Variants in ZNF710 observed in about 807,000 individuals in gnomAD.
ZNF710 encodes the protein zinc finger protein 710.
ZNF710 carries 13 observed loss-of-function variants against 50.6 expected under a neutral mutation model. The ratio of observed to expected loss-of-function variants is 0.26; its 90% CI spans 0.17 to 0.41. The LOEUF (loss-of-function observed/expected upper bound fraction) is 0.41. Among genes scored for constraint, ZNF710 ranks in the 10% least tolerant of loss-of-function variants. The pLI, the probability that ZNF710 is intolerant of heterozygous loss-of-function variation, is 1.00. For synonymous variants in ZNF710, 383 were observed against 397.0 expected (o/e 0.96, Z 0.42); for missense variants, 721 against 936.6 (o/e 0.77, Z 3.01).
intron 1 of ZNF710, among the ~76,000 whole-genome samples, chr15:90,031,373 C>T (rs1242696472): frequency 6.6e-6 from 1 of 152,208 alleles, no homozygotes; most frequent in Non-Finnish European, 1.5e-5. Flanking sequence ...AAGTATCTCT[C>T]ACAGCACCCT....
At chr15:90,023,525 C>G (rs2151477276) in intron 1 of ZNF710, among the ~76,000 whole-genome samples, 1 of 152,312 alleles carries the variant, frequency 6.6e-6, no homozygotes, top group Admixed American at 6.5e-5. Context: ...AACATAAACA[C>G]ACTTGCAGGT....
chr15:90,042,154 T>C (rs924435406), intron 1 of ZNF710, among the ~76,000 whole-genome samples: 6 of 152,046 alleles, frequency 3.9e-5, no homozygotes, highest in African/African-American at 1.2e-4. Flanking sequence ...GCCTCAGCCT[T>C]CCAAAGTGCT....
rs368802961 is a variant in ZNF710 at position 90,075,642 on chromosome 15, C to T, written c.1825+1352C>T. 9 of 152,206 alleles carry T rather than the reference C, an allele frequency of 5.9e-5. No individual in the cohort carries two copies. The East Asian group carries it at 9.6e-4, about 16-fold the overall frequency. The allele number at this position is 152,206 out of a possible 1,614,324, so 9.4% of individuals were successfully genotyped here. ...TTATTTACTGGAATGCAGGCAGGCA[C>T]GCGGGAACAGCTGCAGTAGCTTAAC... On this transcript the variant is annotated intron_variant, in intron 4 of 4. Coordinates refer to ENST00000268154, the MANE Select transcript of ZNF710 (RefSeq NM_198526.4).
In ZNF710 at chr15:90,069,842, C is replaced by G. The variant is rs370412919; in HGVS notation, c.1458+1247C>G. ...CCCTCCATTCCCCGCCTTCAGCCAC[C>G]AGCCTCCCCGCTTTTCAGCCAATAT... On this transcript the variant is annotated intron_variant, in intron 2 of 4. Coordinates refer to ENST00000268154, the MANE Select transcript of ZNF710 (RefSeq NM_198526.4). Among the ~76,000 whole-genome samples the G allele has an allele frequency of 7.9e-5, 12 of 152,160 alleles. No homozygotes were observed. In the East Asian group the frequency reaches 1.3e-3, roughly 17 times the overall value.
At position 90,071,677 on chromosome 15, in the gene ZNF710, C is replaced by CTT. The variant is rs201729973; in HGVS notation, c.1459-1393_1459-1392insTT. Reference sequence around the variant, plus strand: ...AATTTCTTTTATTTATTTATTTTTACTCTTTTTTTTTTTTTTTTTGAGACG... The same window carrying CTT: ...AATTTCTTTTATTTATTTATTTTTACTTTCTTTTTTTTTTTTTTTTTGAGACG... On this transcript the variant is annotated intron_variant, in intron 2 of 4. Coordinates refer to ENST00000268154, the MANE Select transcript of ZNF710 (RefSeq NM_198526.4). 5.5e-3 allele frequency among the ~76,000 whole-genome samples: 696 copies of CTT among 127,278 alleles called. 21 individuals are homozygous for CTT. Among genetic ancestry groups the CTT allele is most frequent in the African/African-American group, 0.017 (603 of 34,740 alleles). The allele number at this position is 127,278 out of a possible 152,430, so 83.5% of individuals were successfully genotyped here.
chr15:90,035,595 A>T (rs1045371250), intron 1 of ZNF710, among the ~76,000 whole-genome samples: 2 of 152,202 alleles, frequency 1.3e-5, no homozygotes, highest in African/African-American at 4.8e-5. Flanking sequence ...CAGCACTCAC[A>T]TATCTCATCT....
rs1900716233 is a variant in ZNF710 at position 90,081,319 on chromosome 15, C to G, written c.*1490C>G. The G allele has an allele frequency of 6.6e-6, 1 of 152,150 alleles. No individual in the cohort carries two copies. The highest frequency in any genetic ancestry group is 1.5e-5 in the Non-Finnish European group (1 of 68,136). The allele number at this position is 152,150 out of a possible 1,614,324, so 9.4% of individuals were successfully genotyped here. On this transcript the variant is annotated 3_prime_UTR_variant, in exon 5 of 5. Transcript: ENST00000268154. ...AGCACATTCAGGAACTCTAGGGCAC[C>G]CGGACCCCCCCACCCACTTGCCTCC...
chr15:90,047,951 G>A (rs925615466), intron 1 of ZNF710, among the ~76,000 whole-genome samples: 1 of 152,194 alleles, frequency 6.6e-6, no homozygotes, highest in Non-Finnish European at 1.5e-5. Context: ...GTGCTGTGAG[G>A]AGCAATGTTC....
chr15:90,077,203 G>C (rs1347555319), intron 4 of ZNF710, among the ~76,000 whole-genome samples: 1 of 148,980 alleles, frequency 6.7e-6, no homozygotes, highest in Non-Finnish European at 1.5e-5. Flanking sequence ...TGGGGACGGT[G>C]TACAGAGATC....
chr15:90,020,575 C>T (rs552634410), intron 1 of ZNF710, among the ~76,000 whole-genome samples: 1 of 152,314 alleles, frequency 6.6e-6, no homozygotes, highest in East Asian at 1.9e-4. Flanking sequence ...AGATGAGGGA[C>T]GTTTCGGTTT....
chr15:90,077,906 C>CAAAA (rs1567248629), intron 4 of ZNF710, among the ~76,000 whole-genome samples: 1 of 118,320 alleles, frequency 8.5e-6, no homozygotes, highest in African/African-American at 3.0e-5. Context: ...AAGACCTTGT[C>CAAAA]AAAAAAAGAA....
At chr15:90,064,984 G>C (rs1001841935) in intron 1 of ZNF710, among the ~76,000 whole-genome samples, 3 of 152,174 alleles carry the variant, frequency 2.0e-5, no homozygotes, top group Non-Finnish European at 4.4e-5. Context: ...GGTCCTCGCT[G>C]ACTGCATTTC....
chr15:90,002,991 A>C (rs890031154), intron 1 of ZNF710, among the ~76,000 whole-genome samples: 1 of 152,024 alleles, frequency 6.6e-6, no homozygotes, highest in African/African-American at 2.4e-5. Flanking sequence ...CTCCTGCCTC[A>C]ACCTCCCCAA....
chr15:90,043,070 G>A (rs185810356), intron 1 of ZNF710, among the ~76,000 whole-genome samples: 584 of 152,360 alleles, frequency 3.8e-3, no homozygotes, highest in Middle Eastern at 0.01. Flanking sequence ...CGAGGGGACA[G>A]CCCATCCCAG....
chr15:90,067,133 A>G lies in ZNF710; in HGVS notation c.-5A>G, dbSNP rs760991531. 1 of 1,586,532 alleles carries G rather than the reference A, an allele frequency of 6.3e-7. No individual in the cohort carries two copies. Among genetic ancestry groups the G allele is most frequent in the African/African-American group, 1.4e-5 (1 of 73,950 alleles). On this transcript the variant is annotated 5_prime_UTR_variant, in exon 2 of 5. Coordinates refer to ENST00000268154, the MANE Select transcript of ZNF710 (RefSeq NM_198526.4). This position sits in a 1 kb window ranked among gnomAD's most constrained non-coding sequence, Gnocchi z 8.1. The stretch of plus-strand genomic sequence containing the variant: ...AGCGATGCCCTCCTAGCTAGCCGTC[A>G]CGGGATGGAGGGCTTCATGGACTCA...
intron 1 of ZNF710, chr15:90,006,711 G>A (rs537918076): frequency 6.5e-6 from 1 of 154,644 alleles, no homozygotes; most frequent in East Asian, 1.9e-4. Flanking sequence ...TAACCTTGAT[G>A]TGAACCTTGC....
At chr15:90,065,010 T>G (rs908633250) in intron 1 of ZNF710, among the ~76,000 whole-genome samples, 10 of 152,130 alleles carry the variant, frequency 6.6e-5, no homozygotes, top group African/African-American at 2.4e-4. Flanking sequence ...AGCTGGACAT[T>G]GGGGTGGGGT....
Position 90,021,019 on chromosome 15 carries a change from C to T in ZNF710, c.-29+19405C>T, listed in dbSNP as rs75331745. On this transcript the variant is annotated intron_variant, in intron 1 of 4. Coordinates refer to ENST00000268154, the MANE Select transcript of ZNF710 (RefSeq NM_198526.4). ...GAGAGAGGGTGTGGCACCCCCCCCCCCTTAGCAGCCTGGGGGACGTCAGCT... is the reference window on the plus strand; with the variant it reads ...GAGAGAGGGTGTGGCACCCCCCCCCTCTTAGCAGCCTGGGGGACGTCAGCT... Among the ~76,000 whole-genome samples the T allele has an allele frequency of 9.1e-3, 366 of 40,402 alleles. 11 individuals carry two copies. Among genetic ancestry groups the T allele is most frequent in the East Asian group, 0.086 (307 of 3,584 alleles). 26.5% of individuals were successfully genotyped at this position (40,402 alleles called of 152,430 possible).
chr15:90,036,791 T>TC (rs138553238), intron 1 of ZNF710, among the ~76,000 whole-genome samples: 2,797 of 152,180 alleles, frequency 0.018, 85 homozygotes, highest in African/African-American at 0.063. Flanking sequence ...TCGTGTTACT[T>TC]CTGGCTTCCC....
Sources: allele counts gnomAD v4.1 joint callset (sites outside exome capture counted in the v4.1 genomes callset), GRCh38; gene constraint gnomAD v4.1.1; non-coding constraint Gnocchi (gnomAD v3.1); transcripts MANE v1.5; gene names NCBI Gene and HGNC (gene_info 2026-07-23, HGNC 2026-07-21).